Variants in DOCK4 observed in about 807,000 individuals in gnomAD.
DOCK4 encodes dedicator of cytokinesis 4.
DOCK4 carries 97 observed loss-of-function variants against 268.1 expected under a neutral mutation model. The ratio of observed to expected loss-of-function variants is 0.36; its 90% CI spans 0.31 to 0.43. DOCK4 has a LOEUF of 0.43. Among genes scored for constraint, DOCK4 ranks in the 20% least tolerant of loss-of-function variants. The pLI is 1.00. For missense variants in DOCK4, 2,145 were observed against 2,455.7 expected (o/e 0.87, Z 2.67); for synonymous variants, 954 against 887.2 (o/e 1.08, Z -1.34).
chr7:111,894,218 T>C (rs1285755965), intron 16 of DOCK4, among the ~76,000 whole-genome samples: 1 of 113,340 alleles, frequency 8.8e-6, no homozygotes, highest in Admixed American at 8.1e-5. Flanking sequence ...CAAGACTCCA[T>C]CTCAAAAAAA....
chr7:112,038,461 C>T (rs1402127161), intron 1 of DOCK4, among the ~76,000 whole-genome samples: 2 of 152,176 alleles, frequency 1.3e-5, no homozygotes, highest in African/African-American at 4.8e-5. Context: ...GCAATGAAAG[C>T]AGCTGAGTGG....
intron 12 of DOCK4, among the ~76,000 whole-genome samples, chr7:111,932,082 C>T (rs1258663856): frequency 6.6e-6 from 1 of 152,096 alleles, no homozygotes; most frequent in Admixed American, 6.6e-5. Flanking sequence ...CAAAGCCTAC[C>T]ATTGAGAACT....
intron 1 of DOCK4, among the ~76,000 whole-genome samples, chr7:112,065,752 T>C (rs113784839): frequency 3.8e-4 from 58 of 152,176 alleles, no homozygotes; most frequent in African/African-American, 1.2e-3. Flanking sequence ...ACTAGTTCAT[T>C]TCCATGACAC....
At chr7:111,792,875 T>G (rs1323019243) in intron 30 of DOCK4, among the ~76,000 whole-genome samples, 2 of 152,170 alleles carry the variant, frequency 1.3e-5, no homozygotes, top group African/African-American at 2.4e-5. Flanking sequence ...TTATTTTCAG[T>G]GCTATGAGGT....
At chr7:112,021,872 C>T (rs1013055567) in intron 1 of DOCK4, among the ~76,000 whole-genome samples, 1 of 152,128 alleles carries the variant, frequency 6.6e-6, no homozygotes, top group African/African-American at 2.4e-5. Flanking sequence ...AGCTGATCTC[C>T]ACCACTAACA....
intron 1 of DOCK4, among the ~76,000 whole-genome samples, chr7:112,086,492 T>C (rs1809106194): frequency 6.6e-6 from 1 of 152,140 alleles, no homozygotes; most frequent in South Asian, 2.1e-4. Context: ...ATTAACTCAA[T>C]AAATACTTAT....
intron 1 of DOCK4, among the ~76,000 whole-genome samples, chr7:112,077,085 T>C (rs984354818): frequency 6.6e-6 from 1 of 152,088 alleles, no homozygotes; most frequent in African/African-American, 2.4e-5. Flanking sequence ...AAAGAGTAAC[T>C]GAACGACAAC....
At chr7:112,138,899 G>T (rs1023088464) in intron 1 of DOCK4, among the ~76,000 whole-genome samples, 2 of 152,156 alleles carry the variant, frequency 1.3e-5, no homozygotes, top group African/African-American at 4.8e-5. Context: ...TACAAGCCAG[G>T]AAGTGGGCCT....
At chr7:111,790,278 A>G (rs1799440227) in intron 31 of DOCK4, among the ~76,000 whole-genome samples, 179 bp downstream of exon 31, 1 of 152,224 alleles carries the variant, frequency 6.6e-6, no homozygotes. Flanking sequence ...AAGGCTCAGG[A>G]CAACACAGGA....
At chr7:112,195,811 G>A (rs1820371886) in intron 1 of DOCK4, among the ~76,000 whole-genome samples, 2 of 152,076 alleles carry the variant, frequency 1.3e-5, no homozygotes, top group South Asian at 4.1e-4. Context: ...CAAATTTCTT[G>A]GTTTAGGAAA....
intron 4 of DOCK4, among the ~76,000 whole-genome samples, chr7:111,995,998 C>A (rs758677604): frequency 1.3e-5 from 2 of 152,072 alleles, no homozygotes; most frequent in South Asian, 2.1e-4. Context: ...TTTGAAGCAG[C>A]GTTTGCAATT....
intron 1 of DOCK4, among the ~76,000 whole-genome samples, chr7:112,183,103 A>G (rs1450778543): frequency 6.6e-6 from 1 of 152,240 alleles, no homozygotes; most frequent in Non-Finnish European, 1.5e-5. Context: ...ATCAGAAGGC[A>G]GCCTCTCTAC....
intron 30 of DOCK4, among the ~76,000 whole-genome samples, chr7:111,795,360 T>C (rs540380438): frequency 6.6e-6 from 1 of 152,218 alleles, no homozygotes; most frequent in Admixed American, 6.5e-5. Flanking sequence ...CGGTTCATGA[T>C]AGGCACATCA....
intron 44 of DOCK4, among the ~76,000 whole-genome samples, chr7:111,743,410 G>T (rs972057781): frequency 6.6e-6 from 1 of 152,212 alleles, no homozygotes; most frequent in African/African-American, 2.4e-5. Flanking sequence ...CGGGGCTCTG[G>T]ATGCTGCCCA....
intron 1 of DOCK4, among the ~76,000 whole-genome samples, chr7:112,006,168 A>T (rs139826791): frequency 6.0e-4 from 92 of 152,122 alleles, no homozygotes; most frequent in African/African-American, 2.0e-3. Flanking sequence ...ATCACTTATT[A>T]CCTGTGTGAC....
chr7:111,918,758 T>C (rs75511587), intron 12 of DOCK4, among the ~76,000 whole-genome samples: 7,451 of 152,284 alleles, frequency 0.049, 464 homozygotes, highest in East Asian at 0.29. Flanking sequence ...TTGCCAGATC[T>C]AGTACATGAT....
intron 1 of DOCK4, among the ~76,000 whole-genome samples, chr7:112,138,011 G>A (rs906212859): frequency 2.6e-5 from 4 of 152,148 alleles, no homozygotes; most frequent in Non-Finnish European, 5.9e-5. Flanking sequence ...TCCACCTCTA[G>A]ATTAAATAAT....
intron 38 of DOCK4, among the ~76,000 whole-genome samples, chr7:111,766,506 A>T (rs147446198): frequency 6.6e-6 from 1 of 152,214 alleles, no homozygotes; most frequent in East Asian, 1.9e-4. Flanking sequence ...AGCAAAGCAG[A>T]TATAAAACAT....
At chr7:112,156,706 T>C (rs1195023875) in intron 1 of DOCK4, among the ~76,000 whole-genome samples, 1 of 152,170 alleles carries the variant, frequency 6.6e-6, no homozygotes, top group Non-Finnish European at 1.5e-5. Flanking sequence ...TCAGAAGAAA[T>C]TACTGACATA....
Sources: gnomAD v4.1 joint callset for allele counts (sites outside exome capture counted in the v4.1 genomes callset) on GRCh38, gnomAD v4.1.1 for gene constraint, MANE v1.5 for transcripts, NCBI Gene and HGNC (gene_info 2026-07-23, HGNC 2026-07-21) for gene names.